Variants in HPD observed in about 807,000 individuals in gnomAD.
HPD encodes the protein 4-hydroxyphenylpyruvic acid oxidase.
Under a neutral mutation model 56.9 loss-of-function variants are expected in HPD, and 35 were observed. That is an observed-to-expected ratio of 0.62 (90% CI 0.47 to 0.82). The LOEUF (loss-of-function observed/expected upper bound fraction) is 0.82, where lower values mean the gene tolerates loss of function less well. Among genes scored for constraint, HPD ranks in the 40% least tolerant of loss-of-function variants. HPD has a pLI of 0.00. For missense variants in HPD, 442 were observed against 506.8 expected (o/e 0.87, Z 1.23); for synonymous variants, 186 against 200.2 (o/e 0.93, Z 0.60).
the HPD span, among the ~76,000 whole-genome samples, chr12:121,885,506 T>C: frequency 6.6e-6 from 1 of 152,086 alleles, no homozygotes; most frequent in African/African-American, 2.4e-5. Context: ...GGCCTATATC[T>C]GTATTCTTTT....
chr12:121,849,118 C>A (rs1043071866), intron 8 of HPD, 42 bp from the exon 9 acceptor site: 1 of 1,249,188 alleles, frequency 8.0e-7, no homozygotes, highest in Non-Finnish European at 1.2e-6. Context: ...TGGCTACCCC[C>A]CAGATTGCTC....
At chr12:121,852,657 G>T in intron 7 of HPD, among the ~76,000 whole-genome samples, 1 of 94,378 alleles carries the variant, frequency 1.1e-5, no homozygotes, top group Non-Finnish European at 1.9e-5. Context: ...TTTTTTGAGA[G>T]GGAGTCTTGT....
rs1877617723 is a variant in HPD at position 121,847,204 on chromosome 12, T to G, written c.607A>C (p.Asn203His). 1 of 1,614,010 alleles carries G rather than the reference T, an allele frequency of 6.2e-7. No individual in the cohort carries two copies. Among genetic ancestry groups the G allele is most frequent in the Non-Finnish European group, 8.5e-7 (1 of 1,180,022 alleles). The change falls in exon 10 of 14, where the codon AAC becomes CAC. Residue 203 changes from asparagine (N) to histidine (H), a missense_variant. Physicochemically the swap from Asn to His is moderately conservative, Grantham distance 68. Transcript: ENST00000289004. Reference sequence around the variant, plus strand: ...GACCAGAAGCGGTGGAACTGCAGGTTTTTCAGGTACCTGTAGGGTGGGCGG... The same window carrying G: ...GACCAGAAGCGGTGGAACTGCAGGTGTTTCAGGTACCTGTAGGGTGGGCGG... The part of the protein sequence containing the change: ...MVSASEWYLK[N>H]LQFHRFWSVD...
At position 121,854,814 on chromosome 12, in the gene HPD, G is replaced by A. The variant is rs755963838; in HGVS notation, c.325-22C>T. 10 of 1,592,592 alleles carry A rather than the reference G, an allele frequency of 6.3e-6. No individual in the cohort carries two copies. The South Asian group carries it at 1.1e-4, about 18-fold the overall frequency. On this transcript the variant is annotated intron_variant, in intron 6 of 13. Transcript: ENST00000289004. The stretch of plus-strand genomic sequence containing the variant: ...CTTTCTGCAGAGAAGATGGGATCGG[G>A]GAATTGGTGAGGGCTGGAGCCTTCC...
At chr12:121,870,077 G>A in the HPD span, among the ~76,000 whole-genome samples, 2 of 150,818 alleles carry the variant, frequency 1.3e-5, no homozygotes, top group African/African-American at 4.9e-5. Flanking sequence ...CACACCCAGC[G>A]TAAGCTGATT....
At chr12:121,854,403 C>T (rs1877916528) in intron 7 of HPD, among the ~76,000 whole-genome samples, 7 of 152,194 alleles carry the variant, frequency 4.6e-5, no homozygotes. Flanking sequence ...TGCCCAAAGT[C>T]ACACAGCTCG....
intron 12 of HPD, among the ~76,000 whole-genome samples, chr12:121,841,687 T>C (rs1453304318): frequency 6.9e-6 from 1 of 145,098 alleles, no homozygotes; most frequent in Non-Finnish European, 1.5e-5. Flanking sequence ...TTGTGATTCC[T>C]TTTTTTTTTT....
At chr12:121,846,200 T>G (rs1451683183) in intron 11 of HPD, among the ~76,000 whole-genome samples, 4 of 152,216 alleles carry the variant, frequency 2.6e-5, no homozygotes, top group Non-Finnish European at 5.9e-5. Context: ...TGCCCAGTCC[T>G]AATTTCCTTT....
the HPD span, among the ~76,000 whole-genome samples, chr12:121,873,808 T>G: frequency 4.2e-5 from 4 of 96,192 alleles, no homozygotes; most frequent in Admixed American, 1.1e-4. Flanking sequence ...AGACAGAGAC[T>G]CCGTCTCAAA....
rs554726475 is a variant in HPD, at chr12:121,845,518, G to A, written c.831+1344C>T. 6.0e-5 allele frequency among the ~76,000 whole-genome samples: 9 copies of A among 149,120 alleles called. No individual in the cohort carries two copies. The South Asian group carries it at 8.5e-4, about 14-fold the overall frequency. ...TGGGAGGCTGAGGCAGGAGAATGGC[G>A]TGAACCCAGGAGGCGGAGCTTGCAG... On this transcript the variant is annotated intron_variant, in intron 11 of 13. Coordinates refer to ENST00000289004, the MANE Select transcript of HPD (RefSeq NM_002150.3).
At chr12:121,862,419 T>A (rs528838827), upstream of HPD, among the ~76,000 whole-genome samples, 1 of 151,496 alleles carries the variant, frequency 6.6e-6, no homozygotes, top group Non-Finnish European at 1.5e-5. Context: ...TGTCTCAGCA[T>A]CCCAAGTAGC....
intron 12 of HPD, among the ~76,000 whole-genome samples, chr12:121,840,535 G>A (rs1877373861): frequency 6.6e-6 from 1 of 151,916 alleles, no homozygotes; most frequent in Non-Finnish European, 1.5e-5. Flanking sequence ...CCTGACCTCA[G>A]GTGATCCACC....
At chr12:121,857,229 A>G (rs1291189895) in intron 4 of HPD, 99 bp downstream of exon 4, 2 of 811,714 alleles carry the variant, frequency 2.5e-6, no homozygotes, top group African/African-American at 1.7e-5. Context: ...ACAGGTGCCC[A>G]CCATCATGCC....
chr12:121,849,886 C>T, intron 7 of HPD, 96 bp from the exon 8 acceptor site: 2 of 775,814 alleles, frequency 2.6e-6, no homozygotes, highest in South Asian at 1.4e-5. Flanking sequence ...CGGGTTCCAA[C>T]CTGCATCTGA....
chr12:121,849,204 A>G, intron 8 of HPD, 128 bp from the exon 9 acceptor site: 1 of 653,624 alleles, frequency 1.5e-6, no homozygotes, highest in South Asian at 1.7e-5. Context: ...GTAGAGATGG[A>G]GTCTCTACAA....
At chr12:121,863,507 C>T (rs1292485582), upstream of HPD, 1 of 152,202 alleles carries the variant, frequency 6.6e-6, no homozygotes, top group African/African-American at 2.4e-5. Context: ...TTCTCCTTCC[C>T]GCATCTTTGT....
upstream of HPD, among the ~76,000 whole-genome samples, chr12:121,868,492 C>T (rs950861046): frequency 3.8e-4 from 56 of 148,744 alleles, no homozygotes; most frequent in Non-Finnish European, 6.2e-4. Context: ...CACACCCAGC[C>T]CTTTGCCTGT....
At chr12:121,844,266 AACTCCTG>A (rs1219871985) in intron 11 of HPD, among the ~76,000 whole-genome samples, 2 of 151,904 alleles carry the variant, frequency 1.3e-5, no homozygotes, top group Admixed American at 6.6e-5. Context: ...GTTGGTCTCG[AACTCCTG>A]ACCTCAGGCG....
In HPD at chr12:121,858,676, C is replaced by T. The variant is rs752351766; in HGVS notation, c.30+11G>A. ...TCAGGCCCCTACATTTCCCACATTT[C>T]GCCTGCTTACCTTTGCCCCTTTGTC... is the stretch of plus-strand genomic sequence containing the variant. On this transcript the variant is annotated intron_variant, in intron 2 of 13. Coordinates refer to ENST00000289004, the MANE Select transcript of HPD (RefSeq NM_002150.3). 45 of 1,613,764 alleles carry T rather than the reference C, an allele frequency of 2.8e-5. No individual in the cohort carries two copies. The East Asian group carries it at 8.9e-4, about 32-fold the overall frequency.
Sources: allele counts gnomAD v4.1 joint callset (sites outside exome capture counted in the v4.1 genomes callset), GRCh38; gene constraint gnomAD v4.1.1; transcripts MANE v1.5; gene names NCBI Gene and HGNC (gene_info 2026-07-23, HGNC 2026-07-21).